ROR1: variants seen among roughly 807,000 people sequenced by gnomAD.
ROR1 encodes the protein inactive tyrosine-protein kinase transmembrane receptor ROR1.
ROR1 carries 19 observed loss-of-function variants against 78.8 expected under a neutral mutation model. That is an observed-to-expected ratio of 0.24 (90% CI 0.17 to 0.35). The LOEUF (loss-of-function observed/expected upper bound fraction) is 0.35. Ranked by LOEUF, ROR1 falls within the 10% of genes least tolerant of loss-of-function variation. ROR1 has a pLI of 1.00. For synonymous variants in ROR1, 386 were observed against 433.6 expected (o/e 0.89, Z 1.36); for missense variants, 917 against 1,177.8 (o/e 0.78, Z 3.24).
At chr1:63,860,640 G>A (rs1338302243) in intron 1 of ROR1, among the ~76,000 whole-genome samples, 5 of 150,604 alleles carry the variant, frequency 3.3e-5, no homozygotes, top group Non-Finnish European at 5.9e-5. Context: ...GTGGTGGCAC[G>A]AGCCTGTAAT....
In ROR1 at chr1:64,103,573, T is replaced by C. The variant is rs1166811844; in HGVS notation, c.483-33796T>C. ...AATTTGCCTGAAATGGTTGGTGATT[T>C]AAAGGTGTTTTCTGAGGCTTTGAGA... is the stretch of plus-strand genomic sequence containing the variant. On this transcript the variant is annotated intron_variant, in intron 4 of 8. Coordinates refer to ENST00000371079, the MANE Select transcript of ROR1 (RefSeq NM_005012.4). Among the ~76,000 whole-genome samples, 3 of 152,192 alleles carry C rather than the reference T, an allele frequency of 2.0e-5. 1 individual carries two copies. The highest frequency in any genetic ancestry group is 2.9e-5 in the Non-Finnish European group (2 of 68,034).
chr1:63,969,896 C>T (rs1220897580), intron 1 of ROR1, among the ~76,000 whole-genome samples: 1 of 152,140 alleles, frequency 6.6e-6, no homozygotes, highest in Admixed American at 6.5e-5. Flanking sequence ...ACTGCCCTTT[C>T]TCTTTAATAT....
At chr1:63,811,758 A>G (rs943004921) in intron 1 of ROR1, among the ~76,000 whole-genome samples, 3 of 152,054 alleles carry the variant, frequency 2.0e-5, no homozygotes, top group Non-Finnish European at 2.9e-5. Flanking sequence ...TGACATTGAT[A>G]AGCTAAGGTT....
At chr1:64,067,625 G>A (rs1179037048) in intron 4 of ROR1, among the ~76,000 whole-genome samples, 3 of 150,950 alleles carry the variant, frequency 2.0e-5, no homozygotes, top group Admixed American at 2.0e-4. Context: ...TGACAAAATT[G>A]GTTCATCATT....
chr1:63,953,406 CAAT>C (rs1645956143), intron 1 of ROR1, among the ~76,000 whole-genome samples: 1 of 152,136 alleles, frequency 6.6e-6, no homozygotes, highest in African/African-American at 2.4e-5. Flanking sequence ...CCTATGACAA[CAAT>C]AATAACTAGT....
At chr1:63,878,366 A>G (rs1645301481) in intron 1 of ROR1, among the ~76,000 whole-genome samples, 1 of 152,212 alleles carries the variant, frequency 6.6e-6, no homozygotes, top group African/African-American at 2.4e-5. Context: ...TGAGGAACTG[A>G]TCGGAAATAA....
At chr1:63,901,998 G>A (rs892797864) in intron 1 of ROR1, among the ~76,000 whole-genome samples, 3 of 152,184 alleles carry the variant, frequency 2.0e-5, no homozygotes, top group African/African-American at 7.2e-5. Flanking sequence ...GGTTGAGTAT[G>A]AACTTGGGAA....
intron 1 of ROR1, among the ~76,000 whole-genome samples, chr1:63,925,475 C>T (rs967731661): frequency 2.6e-5 from 4 of 152,004 alleles, no homozygotes; most frequent in Non-Finnish European, 4.4e-5. Context: ...AATAAACATA[C>T]GTGTGCATGT....
rs974957103 is a variant in ROR1, at chr1:63,946,159, T to A, written c.92-63146T>A. Among the ~76,000 whole-genome samples the A allele has an allele frequency of 4.6e-5, 7 of 152,308 alleles. No homozygotes were observed. In the East Asian group the frequency reaches 5.8e-4, roughly 13 times the overall value. On this transcript the variant is annotated intron_variant, in intron 1 of 8. Transcript: ENST00000371079. ...GGTACTGCTTCTGTTGGCTGGTGTG[T>A]GGCTCTGGGCAGGTGCTTGAGGCTC... is the stretch of plus-strand genomic sequence containing the variant.
chr1:64,109,447 A>G (rs1647983736), intron 4 of ROR1, among the ~76,000 whole-genome samples: 1 of 152,130 alleles, frequency 6.6e-6, no homozygotes, highest in Admixed American at 6.5e-5. Flanking sequence ...CTCAAATCAC[A>G]TCTTTTTGAC....
intron 1 of ROR1, among the ~76,000 whole-genome samples, chr1:63,793,809 G>A (rs1644741442): frequency 6.6e-6 from 1 of 152,214 alleles, no homozygotes; most frequent in East Asian, 1.9e-4. Context: ...CATCCAGTCT[G>A]AGCTTTGTTT....
chr1:64,147,122 T>C (rs1649497756), intron 7 of ROR1, among the ~76,000 whole-genome samples: 1 of 152,220 alleles, frequency 6.6e-6, no homozygotes, highest in Non-Finnish European at 1.5e-5. Context: ...CATTATATGA[T>C]ATGACATCAA....
At chr1:63,908,047 C>T (rs911712621) in intron 1 of ROR1, among the ~76,000 whole-genome samples, 1 of 152,120 alleles carries the variant, frequency 6.6e-6, no homozygotes, top group Admixed American at 6.5e-5. Context: ...ATGGTTGCTT[C>T]CAGAGTACTT....
intron 1 of ROR1, among the ~76,000 whole-genome samples, chr1:63,869,186 C>G (rs1645235787): frequency 6.6e-6 from 1 of 152,166 alleles, no homozygotes; most frequent in Admixed American, 6.5e-5. Flanking sequence ...ACCATGAAAG[C>G]CTAGAGATGT....
chr1:63,851,630 T>G (rs1645114594), intron 1 of ROR1, among the ~76,000 whole-genome samples: 1 of 152,220 alleles, frequency 6.6e-6, no homozygotes, highest in African/African-American at 2.4e-5. Context: ...TGCCCTATTT[T>G]TCTGTTTTCC....
intron 4 of ROR1, among the ~76,000 whole-genome samples, chr1:64,081,389 C>A (rs536407587): frequency 6.6e-6 from 1 of 152,194 alleles, no homozygotes; most frequent in African/African-American, 2.4e-5. Flanking sequence ...TTAAATATGA[C>A]ACATTTATAG....
At chr1:63,903,732 ATATATC>A (rs1256451463) in intron 1 of ROR1, among the ~76,000 whole-genome samples, 1 of 151,860 alleles carries the variant, frequency 6.6e-6, no homozygotes, top group Non-Finnish European at 1.5e-5. Context: ...ACATAACTAT[ATATATC>A]TATATAGTTG....
chr1:63,796,428 C>A (rs534747652), intron 1 of ROR1, among the ~76,000 whole-genome samples: 1 of 152,172 alleles, frequency 6.6e-6, no homozygotes, highest in African/African-American at 2.4e-5. Context: ...TCAGAAGCTG[C>A]ATTTTAACAT....
intron 1 of ROR1, among the ~76,000 whole-genome samples, chr1:64,002,488 G>GA (rs1646393247): frequency 6.6e-6 from 1 of 152,170 alleles, no homozygotes; most frequent in Admixed American, 6.5e-5. Context: ...CATATATAAT[G>GA]AATGAATAAG....
Sources: gnomAD v4.1 joint callset for allele counts (sites outside exome capture counted in the v4.1 genomes callset) on GRCh38, gnomAD v4.1.1 for gene constraint, MANE v1.5 for transcripts, NCBI Gene and HGNC (gene_info 2026-07-23, HGNC 2026-07-21) for gene names.